Variants in TASP1 observed in about 807,000 individuals in gnomAD.
TASP1 encodes threonine aspartase 1.
TASP1 carries 16 observed loss-of-function variants against 56.6 expected under a neutral mutation model. The ratio of observed to expected loss-of-function variants is 0.28; its 90% CI spans 0.19 to 0.43. The LOEUF (loss-of-function observed/expected upper bound fraction) is 0.43, where lower values mean the gene tolerates loss of function less well. Among genes scored for constraint, TASP1 ranks in the 20% least tolerant of loss-of-function variants. The pLI is 1.00. For missense variants in TASP1, 393 were observed against 511.6 expected (o/e 0.77, Z 2.24); for synonymous variants, 179 against 184.2 (o/e 0.97, Z 0.23).
chr20:13,239,965 A>C, the TASP1 span, among the ~76,000 whole-genome samples: 1 of 152,216 alleles, frequency 6.6e-6, no homozygotes, highest in Non-Finnish European at 1.5e-5. Context: ...GTACATCTAA[A>C]GTGCTGGGAT....
chr20:13,363,451 T>C, the TASP1 span, among the ~76,000 whole-genome samples: 2 of 152,182 alleles, frequency 1.3e-5, no homozygotes, highest in African/African-American at 4.8e-5. Flanking sequence ...TAGCTGTTCA[T>C]CTGCAGTTTT....
the TASP1 span, among the ~76,000 whole-genome samples, chr20:13,149,334 G>A: frequency 6.6e-6 from 1 of 152,168 alleles, no homozygotes; most frequent in Non-Finnish European, 1.5e-5. Flanking sequence ...TGTACAAAAG[G>A]ACATGCACCA....
chr20:13,440,613 C>A (rs2043180538), intron 11 of TASP1, among the ~76,000 whole-genome samples: 1 of 150,354 alleles, frequency 6.7e-6, no homozygotes, highest in Non-Finnish European at 1.5e-5. Context: ...AATGGAATCA[C>A]AGTATACTAT....
At chr20:13,475,734 A>C (rs1413771678) in intron 11 of TASP1, among the ~76,000 whole-genome samples, 1 of 152,086 alleles carries the variant, frequency 6.6e-6, no homozygotes, top group Non-Finnish European at 1.5e-5. Context: ...ATCTCTACCA[A>C]AAATATAAAA....
At chr20:13,321,931 C>T in the TASP1 span, among the ~76,000 whole-genome samples, 1 of 152,158 alleles carries the variant, frequency 6.6e-6, no homozygotes, top group East Asian at 1.9e-4. Flanking sequence ...TTAACTTCTC[C>T]ATGCCTTCGT....
the TASP1 span, among the ~76,000 whole-genome samples, chr20:13,205,312 ATCTCTTCTAGTAT>A: frequency 6.6e-6 from 1 of 152,122 alleles, no homozygotes; most frequent in East Asian, 1.9e-4. Context: ...TTGCCCGGAA[ATCTCTTCTAGTAT>A]GTCCCTTCTC....
intron 11 of TASP1, among the ~76,000 whole-genome samples, chr20:13,480,555 T>C (rs2043103742): frequency 6.6e-6 from 1 of 152,178 alleles, no homozygotes; most frequent in African/African-American, 2.4e-5. Flanking sequence ...TATTAGGTAA[T>C]GGATCCCAGT....
chr20:13,296,674 A>G, the TASP1 span, among the ~76,000 whole-genome samples: 28 of 152,174 alleles, frequency 1.8e-4, no homozygotes, highest in African/African-American at 6.8e-4. Flanking sequence ...AGGGTGGGCC[A>G]AAGTCCAGGG....
rs553290836 is a variant in TASP1 at position 13,587,890 on chromosome 20, C to T, written c.283-520G>A. On this transcript the variant is annotated intron_variant, in intron 4 of 13. Transcript: ENST00000337743. ...CCTGTAATCCCAACACTTAGGGAGG[C>T]CAAGGTGGAAGGATCACTTGAGCCT... Among the ~76,000 whole-genome samples, 517 of 152,108 alleles carry T rather than the reference C, an allele frequency of 3.4e-3. 1 individual carries two copies. Among genetic ancestry groups the T allele is most frequent in the Non-Finnish European group, 5.8e-3 (395 of 67,974 alleles).
intron 6 of TASP1, among the ~76,000 whole-genome samples, chr20:13,571,969 T>C (rs1204283917): frequency 6.6e-6 from 1 of 152,172 alleles, no homozygotes; most frequent in Non-Finnish European, 1.5e-5. Context: ...CCCTCCTTCA[T>C]GAGGCTTCCT....
chr20:13,531,417 T>A (rs2045212105), intron 9 of TASP1, among the ~76,000 whole-genome samples: 1 of 152,016 alleles, frequency 6.6e-6, no homozygotes, highest in African/African-American at 2.4e-5. Context: ...ATGTCCAAAC[T>A]GTAAATTCAA....
the TASP1 span, chr20:13,117,712 T>C: frequency 5.6e-6 from 9 of 1,611,068 alleles, no homozygotes; most frequent in African/African-American, 2.7e-5. Context: ...GGAGGTTACA[T>C]AGCTGGAAGG....
chr20:13,407,575 T>C (rs770967159), intron 13 of TASP1, among the ~76,000 whole-genome samples: 3 of 152,188 alleles, frequency 2.0e-5, no homozygotes, highest in Non-Finnish European at 2.9e-5. Context: ...ATCTTTTCAT[T>C]TTCTTGGGCA....
chr20:13,353,533 C>T, the TASP1 span, among the ~76,000 whole-genome samples: 181 of 152,188 alleles, frequency 1.2e-3, no homozygotes, highest in Non-Finnish European at 1.4e-3. Flanking sequence ...GCCATTCATG[C>T]CCTAACATAA....
the TASP1 span, among the ~76,000 whole-genome samples, chr20:13,249,387 G>C: frequency 6.6e-6 from 1 of 152,140 alleles, no homozygotes; most frequent in East Asian, 1.9e-4. Flanking sequence ...CATGAAACAC[G>C]GGCAGGCCAA....
the TASP1 span, among the ~76,000 whole-genome samples, chr20:13,359,972 G>T: frequency 2.0e-5 from 3 of 151,864 alleles, no homozygotes; most frequent in Admixed American, 6.6e-5. Context: ...CAGCACACTT[G>T]CCTGTTATCA....
chr20:13,541,173 A>T (rs1568561835), intron 8 of TASP1, among the ~76,000 whole-genome samples: 1 of 152,158 alleles, frequency 6.6e-6, no homozygotes, highest in East Asian at 1.9e-4. Context: ...AGAAAACAAG[A>T]ATCCTGATCT....
At chr20:13,166,411 T>A in the TASP1 span, 1 of 152,208 alleles carries the variant, frequency 6.6e-6, no homozygotes, top group Non-Finnish European at 1.5e-5. Context: ...TAAAAATGGA[T>A]CACAATGATA....
intron 4 of TASP1, among the ~76,000 whole-genome samples, chr20:13,607,699 A>G (rs1031092456): frequency 2.0e-5 from 3 of 152,256 alleles, no homozygotes; most frequent in African/African-American, 7.2e-5. Flanking sequence ...GATACATGAA[A>G]TAAAGTAGAA....
Sources: allele counts gnomAD v4.1 joint callset (sites outside exome capture counted in the v4.1 genomes callset), GRCh38; gene constraint gnomAD v4.1.1; transcripts MANE v1.5; gene names NCBI Gene and HGNC (gene_info 2026-07-23, HGNC 2026-07-21).